CCDC77: variants seen among roughly 807,000 people sequenced by gnomAD.
The protein encoded by CCDC77 is coiled-coil domain-containing protein 77.
In CCDC77, 56 loss-of-function variants were observed where a neutral mutation model predicts 66.8. That is an observed-to-expected ratio of 0.84 (90% confidence interval 0.68 to 1.05). CCDC77 has a LOEUF of 1.05. Ranked by LOEUF, CCDC77 falls within the 50% of genes least tolerant of loss-of-function variation. CCDC77 has a pLI of 0.00. For missense variants in CCDC77, 570 were observed against 576.8 expected, an observed-to-expected ratio of 0.99 and a Z score of 0.12; for synonymous variants, 196 against 195.2, an observed-to-expected ratio of 1.00 and a Z score of -0.03.
At chr12:441,745 C>CTTTTTTTTTTT (rs34054482) in intron 12 of CCDC77, 29 bp from the exon 13 acceptor site, 1 of 1,312,274 alleles carries the variant, frequency 7.6e-7, no homozygotes, top group Admixed American at 2.2e-5. Flanking sequence ...ATCATCATTT[C>CTTTTTTTTTTT]TTTTTTTTTT....
At chr12:389,500 G>C (rs1944705259) in intron 1 of CCDC77, 1 of 329,574 alleles carries the variant, frequency 3.0e-6, no homozygotes. Context: ...AGGGGTCGGG[G>C]AGGGGCACAA....
rs554713401 is a variant in CCDC77, at chr12:409,203, A to G, written c.-16-165A>G. On this transcript the variant is annotated intron_variant, in intron 2 of 12. Coordinates refer to ENST00000239830, the MANE Select transcript of CCDC77 (RefSeq NM_032358.4). ...TCCAGCCTGGGCAACAGAGTGAGAC[A>G]CTGTCTCAAAAAAAAAAAAAAGAAA... is the stretch of plus-strand genomic sequence containing the variant. 8.6e-4 allele frequency among the ~76,000 whole-genome samples: 126 copies of G among 146,748 alleles called. 3 individuals carry two copies. The highest frequency in any genetic ancestry group is 2.9e-3 in the African/African-American group (113 of 38,450).
At chr12:400,573 T>C (rs1477111093), upstream of CCDC77, among the ~76,000 whole-genome samples, 1 of 152,102 alleles carries the variant, frequency 6.6e-6, no homozygotes, top group Non-Finnish European at 1.5e-5. Flanking sequence ...ATCACAGGAA[T>C]AAGGAGGCAA....
At chr12:419,252 G>C (rs766577661) in intron 5 of CCDC77, among the ~76,000 whole-genome samples, 14 of 152,164 alleles carry the variant, frequency 9.2e-5, no homozygotes, top group Non-Finnish European at 1.6e-4. Context: ...TGAGAATTTT[G>C]TGTCCCCACA....
intron 4 of CCDC77, among the ~76,000 whole-genome samples, chr12:417,433 G>A (rs186880744): frequency 5.9e-5 from 9 of 152,192 alleles, no homozygotes; most frequent in East Asian, 5.8e-4. Context: ...ATCTCAGAAT[G>A]TTTATTCCTG....
At chr12:430,505 A>C (rs572454413) in intron 6 of CCDC77, among the ~76,000 whole-genome samples, 159 bp from the exon 7 acceptor site, 3 of 152,264 alleles carry the variant, frequency 2.0e-5, no homozygotes, top group African/African-American at 7.2e-5. Context: ...CCAGTTTGCT[A>C]CTTTGCCTGT....
At chr12:438,161 C>T (rs1364179940) in intron 9 of CCDC77, among the ~76,000 whole-genome samples, 174 bp from the exon 10 acceptor site, 5 of 152,086 alleles carry the variant, frequency 3.3e-5, no homozygotes, top group African/African-American at 1.2e-4. Flanking sequence ...TATACTTTAC[C>T]CAGTAAAACA....
intron 9 of CCDC77, 116 bp from the exon 10 acceptor site, chr12:438,219 A>T: frequency 5.5e-6 from 4 of 733,054 alleles, no homozygotes; most frequent in Non-Finnish European, 8.8e-6. Flanking sequence ...ATATTTTACA[A>T]AATTTATATA....
At chr12:425,773 C>T (rs1176824313) in intron 5 of CCDC77, among the ~76,000 whole-genome samples, 2 of 152,166 alleles carry the variant, frequency 1.3e-5, no homozygotes, top group East Asian at 1.9e-4. Flanking sequence ...GTTTCTTGTT[C>T]ATGCCGTCTG....
At chr12:438,592 C>T in intron 10 of CCDC77, 38 bp downstream of exon 10, 1 of 1,492,948 alleles carries the variant, frequency 6.7e-7, no homozygotes, top group Non-Finnish European at 9.2e-7. Flanking sequence ...GTTTATTTTT[C>T]TGGGAGAGTT....
In CCDC77 at chr12:441,786, G is replaced by C. The variant is rs762438151; in HGVS notation, c.1333G>C (p.Ala445Pro). The C allele has an allele frequency of 1.9e-6, 3 of 1,594,352 alleles. No individual in the cohort carries two copies. In the Admixed American group the frequency reaches 5.1e-5, roughly 27 times the overall value. The change falls in exon 13 of 13, where the codon GCC becomes CCC. Residue 445 changes from alanine (A) to proline (P), a missense_variant. Ala to Pro is a conservative substitution (Grantham distance 27). Transcript: ENST00000239830. ...TTCAAACCCCTAGGCAACAGTTAATGCCCGGGCAAACCAGGATCTTGCCCT... is the reference window on the plus strand; with the variant it reads ...TTCAAACCCCTAGGCAACAGTTAATCCCCGGGCAAACCAGGATCTTGCCCT... Reference protein sequence around the residue: ...EQMLYKATVNARANQDLALLC... With the variant: ...EQMLYKATVNPRANQDLALLC...
In CCDC77 at chr12:411,903, G is replaced by A. The variant is rs748519214; in HGVS notation, c.195G>A (p.Lys65=). 2 of 1,613,884 alleles carry A rather than the reference G, an allele frequency of 1.2e-6. No homozygotes were observed. The highest frequency in any genetic ancestry group is 1.7e-5 in the Admixed American group (1 of 59,968). ...SKELLEYYQK[K]MAECEAENED... The stretch of plus-strand genomic sequence containing the variant: ...AGCTCCTGGAATATTATCAAAAGAA[G>A]ATGGCTGAGTGTGAGGCAGAAAATG... The change falls in exon 4 of 13, where the codon AAG becomes AAA. Residue 65 remains lysine, a synonymous_variant. Transcript: ENST00000239830.
At chr12:406,665 G>T (rs775839395) in intron 2 of CCDC77, among the ~76,000 whole-genome samples, 9 of 152,172 alleles carry the variant, frequency 5.9e-5, no homozygotes, top group Non-Finnish European at 1.3e-4. Flanking sequence ...GGAACAGGGG[G>T]ACCAGGCGTG....
intron 3 of CCDC77, among the ~76,000 whole-genome samples, chr12:411,525 C>A (rs557116749): frequency 2.0e-5 from 3 of 151,820 alleles, no homozygotes; most frequent in Admixed American, 6.6e-5. Context: ...ACTATATTGC[C>A]CAGGCTGGTC....
chr12:389,548 A>ACG (rs1944706845), intron 1 of CCDC77: 1 of 24,274 alleles, frequency 4.1e-5, no homozygotes, highest in African/African-American at 3.8e-4. Flanking sequence ...AGGGAAGCCG[A>ACG]CGGGGCGAGG....
intron 4 of CCDC77, 77 bp downstream of exon 4, chr12:412,055 A>C: frequency 9.6e-7 from 1 of 1,042,036 alleles, no homozygotes; most frequent in East Asian, 2.4e-5. Context: ...GTGCCAGTTT[A>C]TATCAGAAGC....
Position 412,009 on chromosome 12 carries a change from C to G in CCDC77, c.270+31C>G. 4 of 1,492,344 alleles carry G rather than the reference C, an allele frequency of 2.7e-6. No homozygotes were observed. The South Asian group carries it at 4.7e-5, about 17-fold the overall frequency. 92.4% of individuals were successfully genotyped at this position (1,492,344 alleles called of 1,614,324 possible). A position where few individuals can be genotyped will look rare whatever the true frequency, so the allele number is the denominator to read the frequency against. ...GAAACGATGCTGCTGCTTTAGAACT[C>G]TGATGGAGTCTTCATAAATTAGAGA... On this transcript the variant is annotated intron_variant, in intron 4 of 12. Coordinates refer to ENST00000239830, the MANE Select transcript of CCDC77 (RefSeq NM_032358.4).
intron 1 of CCDC77, among the ~76,000 whole-genome samples, chr12:395,991 G>C (rs1944824082): frequency 6.6e-6 from 1 of 152,150 alleles, no homozygotes; most frequent in Non-Finnish European, 1.5e-5. Flanking sequence ...TGAGTCAGGA[G>C]GATTGCTTGA....
upstream of CCDC77, among the ~76,000 whole-genome samples, chr12:400,102 G>A (rs183883186): frequency 1.8e-4 from 28 of 152,334 alleles, no homozygotes; most frequent in African/African-American, 5.8e-4. Flanking sequence ...TTTAAGTAAC[G>A]GAAATAGCTC....
Sources: allele counts gnomAD v4.1 joint callset (sites outside exome capture counted in the v4.1 genomes callset), GRCh38; gene constraint gnomAD v4.1.1; transcripts MANE v1.5; gene names NCBI Gene and HGNC (gene_info 2026-07-23, HGNC 2026-07-21).